ZNF490: variants seen among roughly 807,000 people sequenced by gnomAD.
The protein encoded by ZNF490 is zinc finger protein 490.
A neutral mutation model predicts 17.7 loss-of-function variants in ZNF490; 11 were observed. The ratio of observed to expected loss-of-function variants is 0.62; its 90% CI spans 0.39 to 1.03. The LOEUF (loss-of-function observed/expected upper bound fraction) is 1.03, where lower values mean the gene tolerates loss of function less well. Ranked by LOEUF, ZNF490 falls within the 50% of genes least tolerant of loss-of-function variation. The pLI is 0.00. For synonymous variants in ZNF490, 222 were observed against 216.1 expected (o/e 1.03, Z -0.24); for missense variants, 542 against 643.4 (o/e 0.84, Z 1.71).
intron 2 of ZNF490, among the ~76,000 whole-genome samples, chr19:12,598,973 C>T (rs1208515321): frequency 8.8e-5 from 13 of 147,766 alleles, no homozygotes; most frequent in African/African-American, 2.5e-4. Flanking sequence ...GGCAACAGAG[C>T]GAGACTCCAT....
chr19:12,582,796 T>C lies in ZNF490; in HGVS notation c.350+54A>G, dbSNP rs1018199845. 2.9e-6 allele frequency: 4 copies of C among 1,382,844 alleles called. No individual in the cohort carries two copies. In the African/African-American group the frequency reaches 5.8e-5, roughly 20 times the overall value. 85.7% of individuals were successfully genotyped at this position (1,382,844 alleles called of 1,614,324 possible). ...TTGCTTGCTTGGCTTTTGAAATTTA[T>C]GAAATACTAAGATTCTCTCAGGGGC... On this transcript the variant is annotated intron_variant, in intron 4 of 4. Transcript: ENST00000311437.
chr19:12,582,991 T>A, intron 3 of ZNF490, 81 bp from the exon 4 acceptor site: 1 of 1,183,158 alleles, frequency 8.5e-7, no homozygotes, highest in Non-Finnish European at 1.2e-6. Context: ...CATGATTAGC[T>A]ATTGATTAGC....
intron 2 of ZNF490, chr19:12,597,375 C>T (rs1599310694): frequency 6.4e-6 from 2 of 311,398 alleles, no homozygotes; most frequent in South Asian, 5.3e-5. Flanking sequence ...CGCCCCCTGA[C>T]CCCTGAGTGA....
At chr19:12,598,098 CCTGTAATCCCAGCTACT>C (rs1029959335) in intron 2 of ZNF490, among the ~76,000 whole-genome samples, 1 of 151,802 alleles carries the variant, frequency 6.6e-6, no homozygotes, top group Admixed American at 6.6e-5. Context: ...GTGGCACGCG[CCTGTAATCCCAGCTACT>C]CAGGAGGCTG....
chr19:12,604,458 T>C (rs185564291), intron 2 of ZNF490, among the ~76,000 whole-genome samples: 68 of 152,216 alleles, frequency 4.5e-4, no homozygotes, highest in African/African-American at 1.6e-3. Context: ...GAGACCAGCC[T>C]GGCCAGCATG....
rs1432894016 is a variant in ZNF490, at chr19:12,602,412, T to A, written c.162+6746A>T. 3.3e-5 allele frequency among the ~76,000 whole-genome samples: 5 copies of A among 152,156 alleles called. No individual in the cohort carries two copies. The South Asian group carries it at 1.0e-3, about 32-fold the overall frequency. On this transcript the variant is annotated intron_variant, in intron 2 of 4. Coordinates refer to ENST00000311437, the MANE Select transcript of ZNF490 (RefSeq NM_020714.3). The stretch of plus-strand genomic sequence containing the variant: ...AAAAATAAAAATAATTAGTTGGGCA[T>A]GGTGGCAGGCACCTGTAGTCCCAAC...
chr19:12,608,869 C>T (rs887522563), intron 2 of ZNF490, among the ~76,000 whole-genome samples: 9 of 152,060 alleles, frequency 5.9e-5, no homozygotes, highest in Non-Finnish European at 1.3e-4. Context: ...CTCAGTCTCC[C>T]AAAGTGCCAG....
At chr19:12,597,873 C>A (rs1238316520) in intron 2 of ZNF490, among the ~76,000 whole-genome samples, 1 of 152,114 alleles carries the variant, frequency 6.6e-6, no homozygotes, top group Non-Finnish European at 1.5e-5. Context: ...GATTTTCACA[C>A]CAGCCTGGGT....
chr19:12,583,811 ATTTTTT>A (rs879747918), intron 2 of ZNF490, among the ~76,000 whole-genome samples: 78 of 78,666 alleles, frequency 9.9e-4, no homozygotes, highest in Middle Eastern at 9.6e-3. Context: ...ATATATATAT[ATTTTTT>A]TTTTTTTTTT....
chr19:12,581,869 T>A, intron 4 of ZNF490, 145 bp from the exon 5 acceptor site: 1 of 697,978 alleles, frequency 1.4e-6, no homozygotes, highest in East Asian at 2.7e-5. Context: ...GCTAATATAC[T>A]CAATAGTCTA....
At chr19:12,609,924 C>T (rs1424237806) in intron 1 of ZNF490, 1 of 455,354 alleles carries the variant, frequency 2.2e-6, no homozygotes, top group South Asian at 1.6e-5. Flanking sequence ...AGCCAGACTT[C>T]GCCACTATGA....
In ZNF490 at chr19:12,581,315, C is replaced by G. The variant is rs1018756407; in HGVS notation, c.760G>C (p.Glu254Gln). 9.9e-6 allele frequency: 16 copies of G among 1,614,056 alleles called. No individual in the cohort carries two copies. Among genetic ancestry groups the G allele is most frequent in the Non-Finnish European group, 1.4e-5 (16 of 1,180,006 alleles). ...AGATATCTGAATGCCTTCCCACATT[C>G]CTTACATTCATAGGGTGTCTCTCCA... Reference protein sequence around the residue: ...HTGETPYECKECGKAFRYLTA... With the variant: ...HTGETPYECKQCGKAFRYLTA... Residue 254 changes from glutamate (E) to glutamine (Q), a missense_variant, in exon 5 of 5, where the codon GAA becomes CAA. By Grantham distance (29) the Glu-to-Gln change is conservative. Coordinates refer to ENST00000311437, the MANE Select transcript of ZNF490 (RefSeq NM_020714.3).
At position 12,609,251 on chromosome 19, in the gene ZNF490, C is replaced by G. The variant is rs2023113161; in HGVS notation, c.118-49G>C. 3.9e-6 allele frequency: 6 copies of G among 1,547,416 alleles called. No individual in the cohort carries two copies. In the East Asian group the frequency reaches 1.1e-4, roughly 29 times the overall value. On this transcript the variant is annotated intron_variant, in intron 1 of 4. Coordinates refer to ENST00000311437, the MANE Select transcript of ZNF490 (RefSeq NM_020714.3). ...TTTTGTGAGTTTCAGCAATTTAGAA[C>G]TAAACATGACCTTTGACAGCCTTGG... is the stretch of plus-strand genomic sequence containing the variant.
At chr19:12,601,098 A>G (rs977997399) in intron 2 of ZNF490, among the ~76,000 whole-genome samples, 1 of 150,846 alleles carries the variant, frequency 6.6e-6, no homozygotes, top group African/African-American at 2.4e-5. Context: ...AAAAAAAAGA[A>G]AAAAAAAAGG....
At chr19:12,590,236 T>C (rs1227030007) in intron 2 of ZNF490, among the ~76,000 whole-genome samples, 4 of 139,854 alleles carry the variant, frequency 2.9e-5, no homozygotes, top group African/African-American at 1.1e-4. Flanking sequence ...TTCTTTGAGA[T>C]GGAGTTTCGC....
intron 4 of ZNF490, among the ~76,000 whole-genome samples, chr19:12,582,500 T>C (rs567681258): frequency 4.4e-4 from 67 of 152,220 alleles, no homozygotes; most frequent in African/African-American, 1.5e-3. Context: ...GTTCAAGCGA[T>C]TCTCCTGCCT....
chr19:12,578,067 G>A lies in ZNF490; in HGVS notation c.*2418C>T, dbSNP rs2022670057. Reference sequence around the variant, plus strand: ...ACACCAGCACCTCCCATACACAACAGAGCTGGAGCGCTGCAGGGTGGGTCC... The same window carrying A: ...ACACCAGCACCTCCCATACACAACAAAGCTGGAGCGCTGCAGGGTGGGTCC... On this transcript the variant is annotated 3_prime_UTR_variant, in exon 5 of 5. Transcript: ENST00000311437. 1.0e-6 allele frequency: 1 copy of A among 985,356 alleles called. No homozygotes were observed. Among genetic ancestry groups the A allele is most frequent in the Admixed American group, 6.2e-5 (1 of 16,256 alleles). 61.0% of individuals were successfully genotyped at this position (985,356 alleles called of 1,614,324 possible). A position where few individuals can be genotyped will look rare whatever the true frequency, so the allele number is the denominator to read the frequency against.
chr19:12,607,680 T>C (rs930501436), intron 2 of ZNF490, among the ~76,000 whole-genome samples: 2 of 151,292 alleles, frequency 1.3e-5, no homozygotes, highest in Admixed American at 1.3e-4. Flanking sequence ...GGCAGGAGAA[T>C]TGCTTGAAGC....
chr19:12,610,118 TG>T, intron 1 of ZNF490: 1 of 372,844 alleles, frequency 2.7e-6, no homozygotes. Flanking sequence ...GTGATTGGTC[TG>T]AAGAGTCCCT....
Sources: allele counts gnomAD v4.1 joint callset (sites outside exome capture counted in the v4.1 genomes callset), GRCh38; gene constraint gnomAD v4.1.1; transcripts MANE v1.5; gene names NCBI Gene and HGNC (gene_info 2026-07-23, HGNC 2026-07-21).